The following DNAH3 variants were observed in gnomAD, a reference collection of about 807,000 sequenced individuals.
DNAH3 encodes the protein axonemal beta dynein heavy chain 3.
Under a neutral mutation model 432.5 loss-of-function variants are expected in DNAH3, and 332 were observed. That is an observed-to-expected ratio of 0.77 (90% CI 0.70 to 0.84). DNAH3 has a LOEUF of 0.84. Ranked by LOEUF, DNAH3 falls within the 40% of genes least tolerant of loss-of-function variation. The pLI is 0.00. For missense variants in DNAH3, 4,861 were observed against 5,114.0 expected, an observed-to-expected ratio of 0.95 and a Z score of 1.51; for synonymous variants, 1,956 against 1,900.2, an observed-to-expected ratio of 1.03 and a Z score of -0.76.
chr16:21,067,009 T>G (rs1005852014), intron 24 of DNAH3, among the ~76,000 whole-genome samples: 1 of 152,156 alleles, frequency 6.6e-6, no homozygotes, highest in Non-Finnish European at 1.5e-5. Flanking sequence ...AAATCCAGGC[T>G]CACAGTCATG....
intron 39 of DNAH3, among the ~76,000 whole-genome samples, chr16:21,023,735 T>G (rs1018083438): frequency 1.3e-5 from 2 of 151,580 alleles, no homozygotes; most frequent in African/African-American, 4.9e-5. Flanking sequence ...GCCAGGGACA[T>G]TGGGGAGTCC....
intron 8 of DNAH3, among the ~76,000 whole-genome samples, chr16:21,125,951 A>G (rs1188471291): frequency 6.6e-6 from 1 of 152,204 alleles, no homozygotes; most frequent in Admixed American, 6.5e-5. Flanking sequence ...GTTAGAGACC[A>G]GCCCGGCCAA....
At chr16:21,117,577 T>C (rs2092235437) in intron 11 of DNAH3, among the ~76,000 whole-genome samples, 1 of 152,196 alleles carries the variant, frequency 6.6e-6, no homozygotes, top group Non-Finnish European at 1.5e-5. Flanking sequence ...TCTTGTCCTT[T>C]GAGAGTCCCC....
intron 26 of DNAH3, among the ~76,000 whole-genome samples, chr16:21,060,048 C>T (rs1243876668): frequency 6.6e-6 from 1 of 152,178 alleles, no homozygotes; most frequent in Non-Finnish European, 1.5e-5. Context: ...TTCCAGCTAA[C>T]CCTCTTCTCT....
chr16:21,096,022 G>A (rs1050017995), intron 18 of DNAH3, among the ~76,000 whole-genome samples: 1 of 152,076 alleles, frequency 6.6e-6, no homozygotes, highest in African/African-American at 2.4e-5. Context: ...CTTCTACCTT[G>A]GCCTCCCAAA....
chr16:21,115,388 TAA>T (rs11460795), intron 12 of DNAH3, among the ~76,000 whole-genome samples: 4 of 141,256 alleles, frequency 2.8e-5, no homozygotes, highest in Non-Finnish European at 3.1e-5. Context: ...GCTTAAAGTG[TAA>T]AAAAAAAAAA....
chr16:21,000,376 TGGA>T, exon 43 of DNAH3: 1 of 1,613,922 alleles, frequency 6.2e-7, no homozygotes, highest in Non-Finnish European at 8.5e-7. Context: ...TTTGGGAAGG[TGGA>T]GAAGGAAGTT....
intron 17 of DNAH3, among the ~76,000 whole-genome samples, chr16:21,098,311 C>G (rs11647509): frequency 6.6e-6 from 1 of 151,642 alleles, no homozygotes; most frequent in Non-Finnish European, 1.5e-5. Flanking sequence ...TGGTGGCACA[C>G]GCCTGTAATC....
At chr16:21,060,137 A>T in intron 26 of DNAH3, 127 bp downstream of exon 26, 1 of 711,812 alleles carries the variant, frequency 1.4e-6, no homozygotes, top group East Asian at 2.5e-5. Context: ...AAGGAAAGAG[A>T]GGTGCAGAGG....
In DNAH3 at chr16:20,986,788, T is replaced by C. The variant is rs191126386; in HGVS notation, c.7026+517A>G. Among the ~76,000 whole-genome samples the C allele has an allele frequency of 1.4e-4, 22 of 152,262 alleles. No homozygotes were observed. In the East Asian group the frequency reaches 4.1e-3, roughly 28 times the overall value. ...TTGCACTTGGCCTCTGAACGCAAGA[T>C]AAAACACTTGAAATTTTTCTATGGA... is the stretch of plus-strand genomic sequence containing the variant. On this transcript the variant is annotated intron_variant, in intron 47 of 61. Coordinates refer to ENST00000261383, the Ensembl canonical transcript of DNAH3.
rs372516026 is a variant in DNAH3 at position 21,006,449 on chromosome 16, T to C, written c.6023-3242A>G. Among the ~76,000 whole-genome samples the C allele has an allele frequency of 1.3e-3, 192 of 152,272 alleles. 7 individuals carry two copies. The South Asian group carries it at 0.039, about 31-fold the overall frequency. ...AAACCACATGTACATGTAAATATAT[T>C]AATATTCACAGAGTTGTGAAACCAT... On this transcript the variant is annotated intron_variant, in intron 41 of 61. Transcript: ENST00000261383.
chr16:21,058,856 A>G lies in DNAH3; in HGVS notation c.3814-660T>C, dbSNP rs372441446. Among the ~76,000 whole-genome samples, 226 of 152,240 alleles carry G rather than the reference A, an allele frequency of 1.5e-3. 7 individuals carry two copies. The South Asian group carries it at 0.045, about 31-fold the overall frequency. On this transcript the variant is annotated intron_variant, in intron 26 of 61. Coordinates refer to ENST00000261383, the Ensembl canonical transcript of DNAH3. ...CTGTTAGGAGGTGGGGGGCAAGGAG[A>G]GGGAGAACATTAGGACAAATACCTA...
intron 33 of DNAH3, among the ~76,000 whole-genome samples, chr16:21,039,059 A>G (rs1353500152): frequency 6.6e-6 from 1 of 152,230 alleles, no homozygotes; most frequent in Non-Finnish European, 1.5e-5. Context: ...ACACACGTAC[A>G]CACTTGAAGA....
At chr16:21,030,921 C>T in intron 37 of DNAH3, 124 bp downstream of exon 37, 1 of 979,530 alleles carries the variant, frequency 1.0e-6, no homozygotes, top group South Asian at 1.6e-5. Flanking sequence ...GGCATTTATT[C>T]TTAATGTATA....
intron 19 of DNAH3, among the ~76,000 whole-genome samples, chr16:21,083,977 C>T (rs925894280): frequency 4.6e-5 from 7 of 152,148 alleles, no homozygotes; most frequent in African/African-American, 1.4e-4. Context: ...CTGTGCTCCC[C>T]GGCCCTCTCT....
At chr16:21,148,570 A>G (rs1416955828) in intron 1 of DNAH3, among the ~76,000 whole-genome samples, 2 of 151,824 alleles carry the variant, frequency 1.3e-5, no homozygotes, top group Non-Finnish European at 2.9e-5. Context: ...CAGCTTCCTT[A>G]CTGCATCATG....
exon 62 of DNAH3, chr16:20,933,446 A>G: frequency 6.2e-7 from 1 of 1,613,858 alleles, no homozygotes. Flanking sequence ...TTCTAAGAAG[A>G]GCCCTTTGAT....
intron 1 of DNAH3, among the ~76,000 whole-genome samples, chr16:21,152,642 C>A (rs1597503215): frequency 1.3e-5 from 2 of 152,360 alleles, no homozygotes; most frequent in African/African-American, 4.8e-5. Context: ...CGCTTGCGGG[C>A]CAGCTGGAGT....
chr16:21,133,486 A>T (rs905591337), intron 7 of DNAH3, among the ~76,000 whole-genome samples: 14 of 152,090 alleles, frequency 9.2e-5, no homozygotes, highest in Non-Finnish European at 1.9e-4. Context: ...CATGTCTCTA[A>T]TCCCAGCACT....
Sources: allele counts gnomAD v4.1 joint callset (sites outside exome capture counted in the v4.1 genomes callset), GRCh38; gene constraint gnomAD v4.1.1; transcripts MANE v1.5; gene names NCBI Gene and HGNC (gene_info 2026-07-23, HGNC 2026-07-21).